PCNX4: variants seen among roughly 807,000 people sequenced by gnomAD.
PCNX4 encodes the protein pecanex 4, also known as pecanex-like protein 4.
A neutral mutation model predicts 107.2 loss-of-function variants in PCNX4; 103 were observed. The ratio of observed to expected loss-of-function variants is 0.96; its 90% CI spans 0.82 to 1.13. The LOEUF (loss-of-function observed/expected upper bound fraction) is 1.13. Ranked by LOEUF, PCNX4 falls within the 50% of genes most tolerant of loss-of-function variation. PCNX4 has a pLI of 0.00. For missense variants in PCNX4, 1,528 were observed against 1,379.4 expected (o/e 1.11, Z -1.71); for synonymous variants, 541 against 481.7 (o/e 1.12, Z -1.61).
chr14:60,113,014 T>C (rs1010544386), intron 2 of PCNX4, among the ~76,000 whole-genome samples: 1 of 152,140 alleles, frequency 6.6e-6, no homozygotes, highest in African/African-American at 2.4e-5. Flanking sequence ...AAACCCTGTC[T>C]CTACTAAAAA....
intron 2 of PCNX4, among the ~76,000 whole-genome samples, chr14:60,113,651 G>C (rs778427239): frequency 2.6e-5 from 4 of 152,138 alleles, no homozygotes; most frequent in Non-Finnish European, 5.9e-5. Context: ...TTACAGGTGT[G>C]AGCCACTGCG....
In PCNX4 at chr14:60,140,267, T is replaced by C. The variant is rs1488867807; in HGVS notation, c.*6046T>C. 1 of 152,168 alleles carries C rather than the reference T, an allele frequency of 6.6e-6. No homozygotes were observed. Among genetic ancestry groups the C allele is most frequent in the Non-Finnish European group, 1.5e-5 (1 of 68,006 alleles). The allele number at this position is 152,168 out of a possible 1,614,324, so 9.4% of individuals were successfully genotyped here. ...AATTTTAGATGAAGTGAATAAATTCTTTAAACTATGGAAGAGCCAAAATTG... is the reference window on the plus strand; with the variant it reads ...AATTTTAGATGAAGTGAATAAATTCCTTAAACTATGGAAGAGCCAAAATTG... On this transcript the variant is annotated 3_prime_UTR_variant, in exon 11 of 11. Transcript: ENST00000406854. This position sits in a 1 kb window ranked among gnomAD's most constrained non-coding sequence, Gnocchi z 4.2.
chr14:60,104,524 G>C (rs148266685), intron 1 of PCNX4, among the ~76,000 whole-genome samples: 2 of 152,104 alleles, frequency 1.3e-5, no homozygotes, highest in African/African-American at 2.4e-5. Context: ...GTATTCATCT[G>C]TTTTCACACT....
chr14:60,116,723 C>T (rs1212659805), intron 6 of PCNX4, among the ~76,000 whole-genome samples: 1 of 151,968 alleles, frequency 6.6e-6, no homozygotes, highest in Non-Finnish European at 1.5e-5. Context: ...GACTGTAAAA[C>T]AGCCTCAGGC....
Position 60,138,393 on chromosome 14 carries a change from A to C in PCNX4, c.*4172A>C. 6.6e-6 allele frequency: 1 copy of C among 152,206 alleles called. No homozygotes were observed. Among genetic ancestry groups the C allele is most frequent in the South Asian group, 2.1e-4 (1 of 4,834 alleles). 9.4% of individuals were successfully genotyped at this position (152,206 alleles called of 1,614,324 possible). A position where few individuals can be genotyped will look rare whatever the true frequency, so the allele number is the denominator to read the frequency against. On this transcript the variant is annotated 3_prime_UTR_variant, in exon 11 of 11. Coordinates refer to ENST00000406854, the MANE Select transcript of PCNX4 (RefSeq NM_001330177.2). ...ACATGAAGACCTGCAAGATCAAAGCATGATAAATAAAAACAAAATTACAAC... is the reference window on the plus strand; with the variant it reads ...ACATGAAGACCTGCAAGATCAAAGCCTGATAAATAAAAACAAAATTACAAC...
intron 1 of PCNX4, among the ~76,000 whole-genome samples, chr14:60,094,716 C>A (rs1306134080): frequency 1.3e-5 from 2 of 151,468 alleles, no homozygotes; most frequent in Admixed American, 6.6e-5. Flanking sequence ...TAAGCTGCAC[C>A]CCCCACCTCT....
chr14:60,120,657 A>G (rs963701098), intron 7 of PCNX4, among the ~76,000 whole-genome samples: 11 of 152,204 alleles, frequency 7.2e-5, no homozygotes, highest in Non-Finnish European at 1.2e-4. Context: ...AATTGATACA[A>G]TGTATTTTCG....
At position 60,124,703 on chromosome 14, in the gene PCNX4, A is replaced by T; in HGVS notation, c.2532A>T (p.Lys844Asn). ...TAATAGAAGAAAAACATCAGTTGAA[A>T]GATTTGCCAGGTACAAATTTGTTTA... ...KKVIEEKHQL[K>N]DLPGTNLFIP... The change falls in exon 9 of 11, where the codon AAA becomes AAT. Residue 844 changes from lysine (K) to asparagine (N), a missense_variant. Transcript: ENST00000406854. 1 of 1,613,222 alleles carries T rather than the reference A, an allele frequency of 6.2e-7. No individual in the cohort carries two copies. Among genetic ancestry groups the T allele is most frequent in the South Asian group, 1.1e-5 (1 of 91,052 alleles).
rs1424309815 is a variant in PCNX4, at chr14:60,139,407, C to T, written c.*5186C>T. 6.6e-6 allele frequency: 1 copy of T among 152,002 alleles called. No individual in the cohort carries two copies. Among genetic ancestry groups the T allele is most frequent in the East Asian group, 1.9e-4 (1 of 5,202 alleles). The allele number at this position is 152,002 out of a possible 1,614,324, so 9.4% of individuals were successfully genotyped here. On this transcript the variant is annotated 3_prime_UTR_variant, in exon 11 of 11. Transcript: ENST00000406854. ...ATTTGTAATGATAAAAGATTTGATT[C>T]ACCAGAAAGTTTCAACAGGTCTAAT...
At chr14:60,117,499 G>T (rs959414230) in intron 6 of PCNX4, among the ~76,000 whole-genome samples, 4 of 152,060 alleles carry the variant, frequency 2.6e-5, no homozygotes, top group Admixed American at 6.5e-5. Context: ...TTCACTCAAT[G>T]ATGAGTCTCG....
At chr14:60,125,607 TA>T in intron 9 of PCNX4, 29 bp from the exon 10 acceptor site, 5 of 1,394,570 alleles carry the variant, frequency 3.6e-6, no homozygotes, top group Non-Finnish European at 3.8e-6. Context: ...GCAAATATTC[TA>T]AAATTCTTCG....
intron 1 of PCNX4, among the ~76,000 whole-genome samples, chr14:60,092,975 C>T (rs943368091): frequency 2.6e-5 from 4 of 152,110 alleles, no homozygotes; most frequent in Non-Finnish European, 2.9e-5. Flanking sequence ...TGTTTGTTTT[C>T]TTCATTAAAT....
chr14:60,142,517 T>G lies in PCNX4; in HGVS notation c.*8296T>G, dbSNP rs1896318422. 6.6e-6 allele frequency: 1 copy of G among 152,192 alleles called. No individual in the cohort carries two copies. The highest frequency in any genetic ancestry group is 2.4e-5 in the African/African-American group (1 of 41,454). The allele number at this position is 152,192 out of a possible 1,614,324, so 9.4% of individuals were successfully genotyped here. A position where few individuals can be genotyped will look rare whatever the true frequency, so the allele number is the denominator to read the frequency against. On this transcript the variant is annotated 3_prime_UTR_variant, in exon 11 of 11. Coordinates refer to ENST00000406854, the MANE Select transcript of PCNX4 (RefSeq NM_001330177.2). This position sits in a 1 kb window ranked among gnomAD's most constrained non-coding sequence, Gnocchi z 4.7. ...GGATAATGATTAAGAAATACATTGA[T>G]GCCGAGTAATAAATACTTTAAAAAA...
In PCNX4 at chr14:60,124,198, A is replaced by G. The variant is rs1241008114; in HGVS notation, c.2047-20A>G. On this transcript the variant is annotated intron_variant, in intron 8 of 10. Transcript: ENST00000406854. The stretch of plus-strand genomic sequence containing the variant: ...GTAATAAATGATTATAAACTCAAGT[A>G]CTTTTTATTTCTTCTTTAGGGGTTA... 1 of 1,505,382 alleles carries G rather than the reference A, an allele frequency of 6.6e-7. No individual in the cohort carries two copies. Among genetic ancestry groups the G allele is most frequent in the East Asian group, 2.4e-5 (1 of 41,634 alleles). The allele number at this position is 1,505,382 out of a possible 1,614,324, so 93.3% of individuals were successfully genotyped here.
chr14:60,131,540 A>G (rs1334395229), intron 10 of PCNX4, among the ~76,000 whole-genome samples: 3 of 152,238 alleles, frequency 2.0e-5, no homozygotes, highest in African/African-American at 7.2e-5. Flanking sequence ...AAACTACAAA[A>G]CATTGTTAAA....
At chr14:60,106,134 G>T (rs746640501) in intron 1 of PCNX4, among the ~76,000 whole-genome samples, 22 of 152,128 alleles carry the variant, frequency 1.4e-4, no homozygotes, top group Non-Finnish European at 2.8e-4. Context: ...GACCACTAAG[G>T]TTCGATTTGG....
intron 1 of PCNX4, among the ~76,000 whole-genome samples, chr14:60,096,351 A>G (rs1460766178): frequency 6.6e-6 from 1 of 152,228 alleles, no homozygotes; most frequent in Non-Finnish European, 1.5e-5. Flanking sequence ...GCTATCATTC[A>G]GGACCTTTTG....
intron 10 of PCNX4, among the ~76,000 whole-genome samples, chr14:60,132,732 A>T (rs541804798): frequency 5.3e-5 from 8 of 151,514 alleles, no homozygotes; most frequent in South Asian, 2.1e-4. Flanking sequence ...AGAATATATA[A>T]AAAAAAAACT....
In PCNX4 at chr14:60,137,199, A is replaced by G. The variant is rs916861037; in HGVS notation, c.*2978A>G. The G allele has an allele frequency of 6.6e-6, 1 of 152,240 alleles. No individual in the cohort carries two copies. The highest frequency in any genetic ancestry group is 1.5e-5 in the Non-Finnish European group (1 of 68,048). 9.4% of individuals were successfully genotyped at this position (152,240 alleles called of 1,614,324 possible). On this transcript the variant is annotated 3_prime_UTR_variant, in exon 11 of 11. Coordinates refer to ENST00000406854, the MANE Select transcript of PCNX4 (RefSeq NM_001330177.2). ...GCTCAGCATTTGGGCTGCTTTTCTT[A>G]TAGGAGACATGCCAATTCAGGATAA...
Sources: gnomAD v4.1 joint callset for allele counts (sites outside exome capture counted in the v4.1 genomes callset) on GRCh38, gnomAD v4.1.1 for gene constraint, Gnocchi (gnomAD v3.1) non-coding constraint, MANE v1.5 for transcripts, NCBI Gene and HGNC (gene_info 2026-07-23, HGNC 2026-07-21) for gene names.